The following PRKAR2B variants were observed in gnomAD, a reference collection of about 807,000 sequenced individuals.
PRKAR2B encodes cAMP-dependent protein kinase type II-beta regulatory subunit.
Under a neutral mutation model 49.9 loss-of-function variants are expected in PRKAR2B, and 14 were observed. The ratio of observed to expected loss-of-function variants is 0.28; its 90% CI spans 0.19 to 0.44. PRKAR2B has a LOEUF of 0.44. Ranked by LOEUF, PRKAR2B falls within the 20% of genes least tolerant of loss-of-function variation. The probability of loss-of-function intolerance (pLI) is 1.00; values close to 1 mark genes in which losing one functional copy is unlikely to be tolerated. For missense variants in PRKAR2B, 393 were observed against 537.9 expected, an observed-to-expected ratio of 0.73 and a Z score of 2.67; for synonymous variants, 196 against 197.7, an observed-to-expected ratio of 0.99 and a Z score of 0.07.
At chr7:107,093,910 A>G (rs906593765) in intron 2 of PRKAR2B, among the ~76,000 whole-genome samples, 1 of 152,124 alleles carries the variant, frequency 6.6e-6, no homozygotes, top group African/African-American at 2.4e-5. Flanking sequence ...CCAGTCTATT[A>G]CTGATGGACA....
At chr7:107,054,044 T>C (rs1793862038) in intron 1 of PRKAR2B, among the ~76,000 whole-genome samples, 2 of 152,106 alleles carry the variant, frequency 1.3e-5, no homozygotes, top group South Asian at 4.1e-4. Context: ...AAATATGCAT[T>C]AAGTAGTAAA....
intron 6 of PRKAR2B, 122 bp downstream of exon 6, chr7:107,146,583 G>A: frequency 8.8e-7 from 1 of 1,133,642 alleles, no homozygotes; most frequent in East Asian, 2.6e-5. Flanking sequence ...AATTTATTAA[G>A]CAGCCACTGA....
At chr7:107,109,721 T>A (rs1357953052) in intron 2 of PRKAR2B, among the ~76,000 whole-genome samples, 1 of 152,188 alleles carries the variant, frequency 6.6e-6, no homozygotes, top group Non-Finnish European at 1.5e-5. Flanking sequence ...AATTTTTTCA[T>A]GGATATTTTC....
intron 2 of PRKAR2B, among the ~76,000 whole-genome samples, chr7:107,120,289 C>T (rs1441908009): frequency 1.3e-5 from 2 of 152,098 alleles, no homozygotes; most frequent in Admixed American, 1.3e-4. Context: ...CTCTAACCCC[C>T]TATAGTTGTG....
At chr7:107,083,466 C>T (rs1035655585) in intron 2 of PRKAR2B, among the ~76,000 whole-genome samples, 6 of 152,086 alleles carry the variant, frequency 3.9e-5, no homozygotes, top group African/African-American at 7.2e-5. Context: ...TTCCCTGAGA[C>T]GACCTATGAG....
intron 2 of PRKAR2B, among the ~76,000 whole-genome samples, chr7:107,110,432 T>C (rs1290894683): frequency 6.6e-6 from 1 of 152,012 alleles, no homozygotes; most frequent in African/African-American, 2.4e-5. Flanking sequence ...GACACTGGGA[T>C]GGCTAAGGGA....
At chr7:107,089,588 A>C (rs7786692) in intron 2 of PRKAR2B, among the ~76,000 whole-genome samples, 18,739 of 152,286 alleles carry the variant, frequency 0.12, 1,377 homozygotes, top group African/African-American at 0.2. Context: ...TTGATAGTTA[A>C]AAAGTTATTT....
At chr7:107,087,215 GTT>G (rs58412260) in intron 2 of PRKAR2B, among the ~76,000 whole-genome samples, 1 of 148,684 alleles carries the variant, frequency 6.7e-6, no homozygotes, top group Non-Finnish European at 1.5e-5. Context: ...CACATTTAAT[GTT>G]TTTTTTTTCC....
intron 9 of PRKAR2B, 68 bp downstream of exon 9, chr7:107,157,117 G>GT (rs1435019320): frequency 5.0e-6 from 8 of 1,606,476 alleles, no homozygotes; most frequent in Non-Finnish European, 6.0e-6. Flanking sequence ...ACTTTTTGAT[G>GT]TTTAGACTGA....
At chr7:107,079,185 C>G (rs1437592977) in intron 2 of PRKAR2B, among the ~76,000 whole-genome samples, 1 of 152,214 alleles carries the variant, frequency 6.6e-6, no homozygotes, top group Non-Finnish European at 1.5e-5. Flanking sequence ...TTCACCAGCT[C>G]TGTGTGAAGG....
intron 2 of PRKAR2B, among the ~76,000 whole-genome samples, chr7:107,090,690 A>T (rs1251629418): frequency 6.6e-6 from 1 of 152,168 alleles, no homozygotes; most frequent in African/African-American, 2.4e-5. Context: ...ATCTGAGAAA[A>T]CTGACAATCC....
intron 8 of PRKAR2B, among the ~76,000 whole-genome samples, chr7:107,154,586 T>C (rs1476561790): frequency 6.6e-6 from 1 of 152,244 alleles, no homozygotes; most frequent in Non-Finnish European, 1.5e-5. Context: ...CATTTATAAA[T>C]ATACATATAC....
In PRKAR2B at chr7:107,085,924, T is replaced by C. The variant is rs78917354; in HGVS notation, c.343+15608T>C. Among the ~76,000 whole-genome samples the C allele has an allele frequency of 1.2e-3, 185 of 152,344 alleles. 1 individual carries two copies. The highest frequency in any genetic ancestry group is 4.3e-3 in the African/African-American group (178 of 41,588). Reference sequence around the variant, plus strand: ...ATTTTTTAGAAGTGGAATTGCTTAATCAAAGAAGCATGAAATTTGAGCATG... The same window carrying C: ...ATTTTTTAGAAGTGGAATTGCTTAACCAAAGAAGCATGAAATTTGAGCATG... On this transcript the variant is annotated intron_variant, in intron 2 of 10. Transcript: ENST00000265717.
At chr7:107,159,311 C>T (rs1796153949) in intron 10 of PRKAR2B, 138 bp from the exon 11 acceptor site, 1 of 931,278 alleles carries the variant, frequency 1.1e-6, no homozygotes. Context: ...TATCATTATG[C>T]TTTTTCTTGT....
chr7:107,053,529 T>A (rs945471054), intron 1 of PRKAR2B, among the ~76,000 whole-genome samples: 4 of 81,258 alleles, frequency 4.9e-5, no homozygotes, highest in South Asian at 4.3e-4. Flanking sequence ...ATAAAGAGTG[T>A]GTGTGTGTGT....
intron 1 of PRKAR2B, among the ~76,000 whole-genome samples, chr7:107,063,018 T>G (rs1303432791): frequency 6.6e-6 from 1 of 152,216 alleles, no homozygotes; most frequent in Non-Finnish European, 1.5e-5. Flanking sequence ...TGCTGTTTTT[T>G]TTTGAAACTG....
intron 2 of PRKAR2B, chr7:107,081,883 G>C (rs907501509): frequency 3.3e-5 from 5 of 152,096 alleles, no homozygotes; most frequent in Admixed American, 6.5e-5. Flanking sequence ...CATCAAAAAA[G>C]GTACAGCTGA....
intron 1 of PRKAR2B, among the ~76,000 whole-genome samples, chr7:107,058,831 T>G (rs983456136): frequency 2.8e-4 from 42 of 152,274 alleles, no homozygotes; most frequent in African/African-American, 8.7e-4. Flanking sequence ...AGTGAGAGAT[T>G]TTTATCTGCC....
rs529235943 is a variant in PRKAR2B, at chr7:107,092,134, A to G, written c.343+21818A>G. Among the ~76,000 whole-genome samples, 11 of 152,250 alleles carry G rather than the reference A, an allele frequency of 7.2e-5. No homozygotes were observed. In the South Asian group the frequency reaches 2.1e-3, roughly 29 times the overall value. On this transcript the variant is annotated intron_variant, in intron 2 of 10. Transcript: ENST00000265717. ...AATATGTGGGCTTTATTATAGGAAG[A>G]AGAGGCCCTAAATATAGGTTTGGAT...
Sources: gnomAD v4.1 joint callset for allele counts (sites outside exome capture counted in the v4.1 genomes callset) on GRCh38, gnomAD v4.1.1 for gene constraint, MANE v1.5 for transcripts, NCBI Gene and HGNC (gene_info 2026-07-23, HGNC 2026-07-21) for gene names.